SLC5A10: variants seen among roughly 807,000 people sequenced by gnomAD.
The protein encoded by SLC5A10 is sodium/mannose cotransporter SLC5A10.
SLC5A10 carries 55 observed loss-of-function variants against 68.9 expected under a neutral mutation model. The ratio of observed to expected loss-of-function variants is 0.80; its 90% CI spans 0.64 to 1.00. SLC5A10 has a LOEUF of 1.00. Among genes scored for constraint, SLC5A10 ranks in the 50% least tolerant of loss-of-function variants. SLC5A10 has a pLI of 0.00. For synonymous variants in SLC5A10, 344 were observed against 344.8 expected (o/e 1.00, Z 0.02); for missense variants, 732 against 819.3 (o/e 0.89, Z 1.30).
intron 8 of SLC5A10, chr17:18,975,972 G>A (rs988969364): frequency 7.9e-5 from 12 of 151,928 alleles, no homozygotes; most frequent in African/African-American, 2.9e-4. Flanking sequence ...GCGATCACGA[G>A]GTCAGGAGAT....
In SLC5A10 at chr17:18,960,548, A is replaced by G. The variant is rs963747931; in HGVS notation, c.349A>G (p.Ile117Val). The stretch of plus-strand genomic sequence containing the variant: ...AGCCCCTACCCATGTGCCTTCCCAG[A>G]TCGTCACCTTACCTGAGTACATTCA... ...VFVPIYISSEIVTLPEYIQKR... is the reference protein window; with the variant it reads ...VFVPIYISSEVVTLPEYIQKR... Residue 117 changes from isoleucine to valine, a missense_variant and splice_region_variant, in exon 5 of 15, where the codon ATC becomes GTC. Coordinates refer to ENST00000395645, the MANE Select transcript of SLC5A10 (RefSeq NM_001042450.4). The G allele has an allele frequency of 5.0e-6, 8 of 1,614,028 alleles. No individual in the cohort carries two copies. Among genetic ancestry groups the G allele is most frequent in the Non-Finnish European group, 5.9e-6 (7 of 1,179,938 alleles).
chr17:18,958,689 G>A lies in SLC5A10; in HGVS notation c.119G>A (p.Cys40Tyr), dbSNP rs1197870970. ...LNVAVGIWSS[C>Y]RASRNTVNGY... ...CCTTTTCTCCTCTTGCAGTCCTCTT[G>A]TCGGGCCAGTAGGAACACGGTGAAT... The change falls in exon 2 of 15, where the codon TGT (cysteine) becomes TAT (tyrosine). Residue 40 changes from cysteine (C) to tyrosine (Y), a missense_variant. Physicochemically the swap from Cys to Tyr is radical, Grantham distance 194. Transcript: ENST00000395645. 5.0e-6 allele frequency: 8 copies of A among 1,614,058 alleles called. No individual in the cohort carries two copies. In the African/African-American group the frequency reaches 8.0e-5, roughly 16 times the overall value.
chr17:18,966,561 T>C (rs1300141512), intron 5 of SLC5A10, among the ~76,000 whole-genome samples: 2 of 151,988 alleles, frequency 1.3e-5, no homozygotes, highest in South Asian at 4.2e-4. Flanking sequence ...GTCAGGAGTT[T>C]GAGACCAGCC....
intron 5 of SLC5A10, among the ~76,000 whole-genome samples, chr17:18,961,171 A>G (rs921154388): frequency 1.3e-5 from 2 of 152,170 alleles, no homozygotes; most frequent in Admixed American, 1.3e-4. Context: ...CAGGAGAAGC[A>G]TAGAGCTCAT....
Position 18,988,965 on chromosome 17 carries a change from G to C in SLC5A10, c.982+11976G>C, listed in dbSNP as rs922345739. Among the ~76,000 whole-genome samples the C allele has an allele frequency of 6.8e-4, 103 of 152,366 alleles. 1 individual carries two copies. Among genetic ancestry groups the C allele is most frequent in the African/African-American group, 2.4e-3 (100 of 41,592 alleles). On this transcript the variant is annotated intron_variant, in intron 9 of 14. Coordinates refer to ENST00000395645, the MANE Select transcript of SLC5A10 (RefSeq NM_001042450.4). The stretch of plus-strand genomic sequence containing the variant: ...GCAGGGGGCCTGGCTGAGTGAAGGT[G>C]CAAGGTGGAACATGCAGAAGGACAG...
Position 19,019,496 on chromosome 17 carries a change from CTCT to C in SLC5A10, c.1318_1320del (p.Phe440del), listed in dbSNP as rs2044212335. On this transcript the variant is annotated inframe_deletion, in exon 12 of 15. Transcript: ENST00000395645. Reference sequence around the variant, plus strand: ...CCTGCAGGACTCCAACAGCGGGCAACTCTTCATCTACATGCAGTCAGTGACCAG... The same window carrying C: ...CCTGCAGGACTCCAACAGCGGGCAACTCATCTACATGCAGTCAGTGACCAG... 6.2e-7 allele frequency: 1 copy of C among 1,612,388 alleles called. No homozygotes were observed. Among genetic ancestry groups the C allele is most frequent in the Non-Finnish European group, 8.5e-7 (1 of 1,179,948 alleles).
At chr17:18,975,089 C>T (rs573027209) in intron 8 of SLC5A10, among the ~76,000 whole-genome samples, 78 of 152,272 alleles carry the variant, frequency 5.1e-4, no homozygotes, top group Non-Finnish European at 8.1e-4. Context: ...GGCAAATATC[C>T]CACCAATGGC....
chr17:19,013,495 G>A lies in SLC5A10; in HGVS notation c.1068G>A (p.Leu356=). The A allele has an allele frequency of 6.5e-7, 1 of 1,534,514 alleles. No individual in the cohort carries two copies. The highest frequency in any genetic ancestry group is 8.8e-7 in the Non-Finnish European group (1 of 1,141,760). The change falls in exon 10 of 15, where the codon CTG becomes CTA. Residue 356 remains leucine (L), a synonymous_variant. Transcript: ENST00000395645. Reference sequence around the variant, plus strand: ...GCTCCAACATCGCCTACCCCAAGCTGGTCATGGAACTGATGCCCATCGGTG... The same window carrying A: ...GCTCCAACATCGCCTACCCCAAGCTAGTCATGGAACTGATGCCCATCGGTG... ...VGCSNIAYPK[L]VMELMPIGLR...
At chr17:19,006,189 T>G (rs2043885048) in intron 9 of SLC5A10, among the ~76,000 whole-genome samples, 1 of 152,194 alleles carries the variant, frequency 6.6e-6, no homozygotes, top group Admixed American at 6.5e-5. Context: ...GCCAGAAAAT[T>G]GACACTGGTG....
Position 18,959,216 on chromosome 17 carries a change from G to A in SLC5A10, c.265G>A (p.Ala89Thr). The A allele has an allele frequency of 6.2e-7, 1 of 1,613,382 alleles. No homozygotes were observed. The highest frequency in any genetic ancestry group is 1.1e-5 in the South Asian group (1 of 91,072). Residue 89 changes from alanine to threonine, a missense_variant, in exon 3 of 15, where the codon GCC becomes ACC. Coordinates refer to ENST00000395645, the MANE Select transcript of SLC5A10 (RefSeq NM_001042450.4). ...LAGSGAAGGL[A>T]VAGFEWNATY... is the part of the protein sequence containing the mutation. ...GGGCTCAGGCGCGGCAGGAGGTCTG[G>A]CCGTGGCAGGCTTCGAGTGGAATGT... is the stretch of plus-strand genomic sequence containing the variant.
intron 1 of SLC5A10, among the ~76,000 whole-genome samples, chr17:18,957,344 C>A (rs1329123822): frequency 6.6e-6 from 1 of 152,200 alleles, no homozygotes; most frequent in African/African-American, 2.4e-5. Context: ...ATTCTATACT[C>A]CCCGTAAACC....
rs79284479 is a variant in SLC5A10 at position 19,017,304 on chromosome 17, C to T, written c.1241+2105C>T. 1,711 of 1,552,138 alleles carry T rather than the reference C, an allele frequency of 1.1e-3. 23 individuals carry two copies. The African/African-American group carries it at 0.022, about 20-fold the overall frequency. On this transcript the variant is annotated intron_variant, in intron 11 of 14. Transcript: ENST00000395645. The surrounding 1 kb of genome is among the most constrained non-coding windows in gnomAD (Gnocchi z 5.6). ...TACAGCACTGGGATACCCTCAACAC[C>T]CCCAGCCCCTCAAAGCCGTCTCAGC... is the stretch of plus-strand genomic sequence containing the variant.
intron 9 of SLC5A10, among the ~76,000 whole-genome samples, chr17:18,989,474 G>A (rs563301147): frequency 9.2e-5 from 14 of 152,098 alleles, no homozygotes; most frequent in African/African-American, 3.1e-4. Flanking sequence ...TGGCACCAAA[G>A]CCCAAACTCC....
At chr17:18,951,320 C>T (rs993431910), upstream of SLC5A10, among the ~76,000 whole-genome samples, 1 of 152,224 alleles carries the variant, frequency 6.6e-6, no homozygotes, top group African/African-American at 2.4e-5. Flanking sequence ...CACATCTGCA[C>T]TGAATCCTAC....
chr17:18,965,087 T>TA lies in SLC5A10; in HGVS notation c.454-3950dup, dbSNP rs1283131713. On this transcript the variant is annotated intron_variant, in intron 5 of 14. Transcript: ENST00000395645. Reference sequence around the variant, plus strand: ...TGAACCCAGGAGGCAGAGGTTTTTTTAAAAAAAAAAAAAAAGAGGAAATGC... The same window carrying TA: ...TGAACCCAGGAGGCAGAGGTTTTTTTAAAAAAAAAAAAAAAAGAGGAAATGC... Among the ~76,000 whole-genome samples, 846 of 93,616 alleles carry TA rather than the reference T, an allele frequency of 9.0e-3. 4 individuals carry two copies. The highest frequency in any genetic ancestry group is 0.032 in the East Asian group (106 of 3,276). 61.4% of individuals were successfully genotyped at this position (93,616 alleles called of 152,430 possible). A position where few individuals can be genotyped will look rare whatever the true frequency, so the allele number is the denominator to read the frequency against.
Position 19,015,045 on chromosome 17 carries a change from C to G in SLC5A10, c.1091-4C>G. The G allele has an allele frequency of 6.2e-7, 1 of 1,612,788 alleles. No individual in the cohort carries two copies. The highest frequency in any genetic ancestry group is 1.3e-5 in the African/African-American group (1 of 75,020). ...AGGGTCACACATCCCCCGTCCCACC[C>G]CAGGTCTGCGGGGGCTGATGATCGC... On this transcript the variant is annotated splice_region_variant and splice_polypyrimidine_tract_variant and intron_variant, in intron 10 of 14. Coordinates refer to ENST00000395645, the MANE Select transcript of SLC5A10 (RefSeq NM_001042450.4).
intron 8 of SLC5A10, among the ~76,000 whole-genome samples, chr17:18,973,339 C>A (rs2042902183): frequency 6.6e-6 from 1 of 152,246 alleles, no homozygotes; most frequent in African/African-American, 2.4e-5. Context: ...CCCCACTGCA[C>A]AGATAAGGAG....
At chr17:19,001,865 G>A (rs1481940692) in intron 9 of SLC5A10, among the ~76,000 whole-genome samples, 1 of 152,220 alleles carries the variant, frequency 6.6e-6, no homozygotes, top group Non-Finnish European at 1.5e-5. Context: ...TCGCTGACAA[G>A]GAGGGGAGGC....
intron 9 of SLC5A10, 168 bp from the exon 10 acceptor site, chr17:19,013,242 C>A: frequency 1.9e-6 from 2 of 1,026,176 alleles, no homozygotes; most frequent in Non-Finnish European, 2.8e-6. Context: ...AGAGGCCATG[C>A]CCTCCCTGTG....
Sources: allele counts gnomAD v4.1 joint callset (sites outside exome capture counted in the v4.1 genomes callset), GRCh38; gene constraint gnomAD v4.1.1; non-coding constraint Gnocchi (gnomAD v3.1); transcripts MANE v1.5; gene names NCBI Gene and HGNC (gene_info 2026-07-23, HGNC 2026-07-21).